Variants in CAPRIN2 observed in about 807,000 individuals in gnomAD.
CAPRIN2 encodes the protein caprin-2.
In CAPRIN2, 66 loss-of-function variants were observed where a neutral mutation model predicts 130.4. The ratio of observed to expected loss-of-function variants is 0.51; its 90% CI spans 0.42 to 0.62. CAPRIN2 has a LOEUF of 0.62. CAPRIN2 is among the 20% of genes least tolerant of loss of function. The pLI, the probability that CAPRIN2 is intolerant of heterozygous loss-of-function variation, is 0.00. For synonymous variants in CAPRIN2, 471 were observed against 444.1 expected, an observed-to-expected ratio of 1.06 and a Z score of -0.76; for missense variants, 1,185 against 1,246.6, an observed-to-expected ratio of 0.95 and a Z score of 0.74.
intron 12 of CAPRIN2, among the ~76,000 whole-genome samples, chr12:30,718,761 T>G (rs945305565): frequency 2.0e-5 from 3 of 152,232 alleles, no homozygotes; most frequent in African/African-American, 7.2e-5. Context: ...TGGTTAGTAT[T>G]ATTAAGCTGT....
At chr12:30,722,976 A>G (rs1440063848) in intron 11 of CAPRIN2, among the ~76,000 whole-genome samples, 1 of 152,210 alleles carries the variant, frequency 6.6e-6, no homozygotes, top group African/African-American at 2.4e-5. Flanking sequence ...AAATTACTTA[A>G]GTAGCTCAAG....
intron 13 of CAPRIN2, chr12:30,715,779 T>C: frequency 5.1e-6 from 1 of 195,136 alleles, no homozygotes; most frequent in Non-Finnish European, 1.1e-5. Context: ...CTGACAAAAA[T>C]ATCCCTTACG....
At chr12:30,744,141 C>G (rs887578602) in intron 2 of CAPRIN2, among the ~76,000 whole-genome samples, 1 of 152,166 alleles carries the variant, frequency 6.6e-6, no homozygotes, top group African/African-American at 2.4e-5. Flanking sequence ...TACATCCAGT[C>G]ACCAAGCCAT....
chr12:30,729,788 G>A (rs1326254815), intron 7 of CAPRIN2, among the ~76,000 whole-genome samples: 1 of 152,208 alleles, frequency 6.6e-6, no homozygotes, highest in Non-Finnish European at 1.5e-5. Flanking sequence ...CAATGACACT[G>A]TTTTTGAATC....
At chr12:30,713,798 G>T (rs1342908119) in exon 15 of CAPRIN2, 1 of 1,596,800 alleles carries the variant, frequency 6.3e-7, no homozygotes. Flanking sequence ...TTGGGAATAA[G>T]GTGCTCCAGA....
chr12:30,733,824 TTG>T, intron 4 of CAPRIN2, 113 bp from the exon 6 acceptor site: 1 of 736,250 alleles, frequency 1.4e-6, no homozygotes, highest in Admixed American at 2.3e-5. Flanking sequence ...AATGTTAATT[TTG>T]TCTTTTTGCT....
At chr12:30,754,234 TTTGG>T (rs1346489849) in exon 1 of CAPRIN2, 2 of 157,416 alleles carry the variant, frequency 1.3e-5, no homozygotes, top group African/African-American at 2.4e-5. Flanking sequence ...TTCTCAGTTG[TTTGG>T]TTTAGACTAG....
intron 3 of CAPRIN2, among the ~76,000 whole-genome samples, chr12:30,736,673 G>A (rs1375938985): frequency 1.7e-4 from 26 of 152,210 alleles, no homozygotes; most frequent in Admixed American, 1.7e-3. Flanking sequence ...CTGGTTGAAG[G>A]TTGCATGGGC....
chr12:30,747,574 G>A (rs937241808), intron 2 of CAPRIN2, among the ~76,000 whole-genome samples: 1 of 152,080 alleles, frequency 6.6e-6, no homozygotes, highest in African/African-American at 2.4e-5. Flanking sequence ...CTACTCAGGA[G>A]GCTGAGGCAG....
At chr12:30,731,388 C>T in exon 6 of CAPRIN2, 1 of 1,612,640 alleles carries the variant, frequency 6.2e-7, no homozygotes, top group Non-Finnish European at 8.5e-7. Flanking sequence ...GTTTTTTTCT[C>T]TGATTGTATT....
exon 1 of CAPRIN2, chr12:30,753,509 G>C: frequency 1.2e-6 from 2 of 1,614,136 alleles, no homozygotes; most frequent in Non-Finnish European, 1.7e-6. Flanking sequence ...CTTGGGGCTT[G>C]GCTGACTTCA....
At chr12:30,742,663 A>G (rs1328699201) in intron 2 of CAPRIN2, among the ~76,000 whole-genome samples, 1 of 151,188 alleles carries the variant, frequency 6.6e-6, no homozygotes, top group East Asian at 2.0e-4. Context: ...GGTACAAAAA[A>G]AACACAACTC....
chr12:30,740,097 A>G (rs1009063874), intron 3 of CAPRIN2, among the ~76,000 whole-genome samples: 3 of 152,052 alleles, frequency 2.0e-5, no homozygotes, highest in Non-Finnish European at 2.9e-5. Flanking sequence ...GGAGAAGAGA[A>G]TTTTAGTTCA....
At chr12:30,713,713 G>A (rs946119209) in intron 15 of CAPRIN2, 72 bp downstream of exon 17, 7 of 847,648 alleles carry the variant, frequency 8.3e-6, no homozygotes, top group African/African-American at 3.3e-5. Context: ...ATGACTCTGC[G>A]ATATACTTCA....
chr12:30,724,393 GA>G lies in CAPRIN2; in HGVS notation c.1963del (p.Ser655GlnfsTer8). 1 of 1,612,804 alleles carries G rather than the reference GA, an allele frequency of 6.2e-7. No homozygotes were observed. The highest frequency in any genetic ancestry group is 8.5e-7 in the Non-Finnish European group (1 of 1,178,850). ...ACCTACGGGGCTACCTGGAGTAGCT[GA>G]AGGCGGTTGTGACGTTGGAATTGCA... On this transcript the variant is annotated frameshift_variant, in exon 10 of 17. Coordinates refer to ENST00000298892, the Ensembl canonical transcript of CAPRIN2. LOFTEE classifies it high-confidence loss of function.
exon 2 of CAPRIN2, chr12:30,751,133 G>A (rs749061687): frequency 1.9e-6 from 3 of 1,612,994 alleles, no homozygotes; most frequent in Non-Finnish European, 2.5e-6. Context: ...TCCAGTTTGA[G>A]CTACAAAAGA....
rs2060272219 is a variant in CAPRIN2 at position 30,724,363 on chromosome 12, T to G, written c.1987+7A>C. The G allele has an allele frequency of 6.3e-7, 1 of 1,585,408 alleles. No homozygotes were observed. Among genetic ancestry groups the G allele is most frequent in the East Asian group, 2.2e-5 (1 of 44,726 alleles). On this transcript the variant is annotated splice_region_variant and intron_variant, in intron 10 of 16. Transcript: ENST00000298892. ...GTTTGCTCCAAGTCTTTAGAATGAT[T>G]ACATACCTACGGGGCTACCTGGAGT...
At chr12:30,711,838 AC>A in intron 15 of CAPRIN2, 1 of 680,142 alleles carries the variant, frequency 1.5e-6, no homozygotes, top group Admixed American at 2.0e-5. Context: ...CTGTTAATTA[AC>A]CTGACCAATC....
intron 16 of CAPRIN2, among the ~76,000 whole-genome samples, chr12:30,711,041 A>AT (rs2054282301): frequency 6.6e-6 from 1 of 152,212 alleles, no homozygotes; most frequent in African/African-American, 2.4e-5. Flanking sequence ...AATACTAGCT[A>AT]TTTTTTCAGA....
Sources: gnomAD v4.1 joint callset for allele counts (sites outside exome capture counted in the v4.1 genomes callset) on GRCh38, gnomAD v4.1.1 for gene constraint, MANE v1.5 for transcripts, NCBI Gene and HGNC (gene_info 2026-07-23, HGNC 2026-07-21) for gene names.